Variants in RBPJ observed in about 807,000 individuals in gnomAD.
RBPJ encodes recombining binding protein suppressor of hairless.
RBPJ carries 9 observed loss-of-function variants against 67.8 expected under a neutral mutation model. The observed-to-expected ratio is 0.13, with a 90% CI of 0.08 to 0.23. RBPJ has a LOEUF of 0.23. RBPJ is among the 10% of genes least tolerant of loss of function. The probability of loss-of-function intolerance (pLI) is 1.00; values close to 1 mark genes in which losing one functional copy is unlikely to be tolerated. For missense variants in RBPJ, 305 were observed against 595.6 expected (o/e 0.51, Z 5.08); for synonymous variants, 198 against 203.3 (o/e 0.97, Z 0.22).
chr4:26,162,266 T>A (rs926093078), upstream of RBPJ, among the ~76,000 whole-genome samples: 3 of 152,228 alleles, frequency 2.0e-5, no homozygotes, highest in Admixed American at 1.3e-4. Flanking sequence ...CGTCTCACTT[T>A]GCCTGTGACA....
At chr4:26,244,289 A>G (rs866167586) in intron 1 of RBPJ, among the ~76,000 whole-genome samples, 61 of 100,782 alleles carry the variant, frequency 6.1e-4, no homozygotes, top group African/African-American at 1.3e-3. Context: ...GTGTATATGT[A>G]TACACATATG....
chr4:26,310,970 G>A (rs773202565), intron 1 of RBPJ, among the ~76,000 whole-genome samples: 6 of 152,110 alleles, frequency 3.9e-5, no homozygotes, highest in Admixed American at 6.6e-5. Context: ...GTGCCCAACC[G>A]ATGTTGATTT....
intron 1 of RBPJ, among the ~76,000 whole-genome samples, chr4:26,314,056 T>C (rs1427807444): frequency 6.6e-6 from 1 of 152,090 alleles, no homozygotes; most frequent in Non-Finnish European, 1.5e-5. Context: ...AGCTGTAGAG[T>C]CCTTTATAAG....
chr4:26,320,998 G>C, upstream of RBPJ: 1 of 1,613,816 alleles, frequency 6.2e-7, no homozygotes. Context: ...AATCTCGCGA[G>C]GGTTGGAGTT....
the RBPJ span, among the ~76,000 whole-genome samples, chr4:26,126,574 G>A: frequency 6.6e-6 from 1 of 152,224 alleles, no homozygotes; most frequent in East Asian, 1.9e-4. Context: ...TAGTCATTAT[G>A]ATACTGGTGG....
chr4:26,413,892 C>T (rs1026198714), intron 3 of RBPJ, among the ~76,000 whole-genome samples: 4 of 152,104 alleles, frequency 2.6e-5, no homozygotes, highest in African/African-American at 9.7e-5. Flanking sequence ...AACAGTATTT[C>T]ATATAAAATT....
At chr4:26,349,629 A>G (rs1726590921) in intron 1 of RBPJ, among the ~76,000 whole-genome samples, 1 of 152,226 alleles carries the variant, frequency 6.6e-6, no homozygotes, top group Non-Finnish European at 1.5e-5. Context: ...CTTCACAGGA[A>G]AAGTAATTGA....
chr4:26,320,865 C>T, upstream of RBPJ: 2 of 1,571,910 alleles, frequency 1.3e-6, no homozygotes, highest in Non-Finnish European at 1.7e-6. Flanking sequence ...CTGCGGGCGG[C>T]GCGAGGCGTC....
At chr4:26,256,113 A>G (rs1720335206) in intron 1 of RBPJ, among the ~76,000 whole-genome samples, 1 of 152,188 alleles carries the variant, frequency 6.6e-6, no homozygotes, top group Non-Finnish European at 1.5e-5. Context: ...ATGCATAAAC[A>G]TAGAACTCTC....
chr4:26,130,333 C>T, the RBPJ span, among the ~76,000 whole-genome samples: 3 of 152,192 alleles, frequency 2.0e-5, no homozygotes, highest in African/African-American at 7.2e-5. Context: ...GGAGTGGTTA[C>T]ATCTTCTCAC....
chr4:26,133,985 A>G, the RBPJ span, among the ~76,000 whole-genome samples: 1 of 152,056 alleles, frequency 6.6e-6, no homozygotes, highest in East Asian at 1.9e-4. Flanking sequence ...AGGGAGCTGC[A>G]TAGAAGCTTC....
At chr4:26,325,097 C>T (rs937423139) in intron 1 of RBPJ, among the ~76,000 whole-genome samples, 1 of 152,120 alleles carries the variant, frequency 6.6e-6, no homozygotes, top group African/African-American at 2.4e-5. Flanking sequence ...TAGATGATAC[C>T]ATATTCCGTT....
chr4:26,428,894 G>C, intron 8 of RBPJ, 34 bp downstream of exon 8: 1 of 1,544,874 alleles, frequency 6.5e-7, no homozygotes. Flanking sequence ...AATCTAAAAT[G>C]TACAAACTGT....
chr4:26,302,826 A>G (rs1722114955), intron 1 of RBPJ, among the ~76,000 whole-genome samples: 1 of 152,140 alleles, frequency 6.6e-6, no homozygotes, highest in Non-Finnish European at 1.5e-5. Context: ...TCCAGCTATT[A>G]TTTTTATCTT....
chr4:26,362,886 T>C (rs1259047047), intron 1 of RBPJ, among the ~76,000 whole-genome samples: 5 of 152,210 alleles, frequency 3.3e-5, no homozygotes, highest in Non-Finnish European at 5.9e-5. Flanking sequence ...TTTATAGTAA[T>C]GGGCTGTAAT....
intron 1 of RBPJ, among the ~76,000 whole-genome samples, chr4:26,305,766 C>CTTT (rs1722212611): frequency 1.7e-5 from 1 of 57,662 alleles, no homozygotes; most frequent in African/African-American, 7.4e-5. Context: ...TTAGAATTTT[C>CTTT]TTTTCTTTTT....
chr4:26,165,153 AT>A (rs1244837239), intron 1 of RBPJ, among the ~76,000 whole-genome samples: 2 of 152,172 alleles, frequency 1.3e-5, no homozygotes, highest in Non-Finnish European at 2.9e-5. Context: ...TTAATGACTA[AT>A]TAGATTACTT....
chr4:26,199,220 C>A (rs993183245), intron 1 of RBPJ, among the ~76,000 whole-genome samples: 2 of 151,986 alleles, frequency 1.3e-5, no homozygotes, highest in African/African-American at 4.8e-5. Flanking sequence ...CTGAGAGGAG[C>A]GGATCATGAG....
chr4:26,407,412 T>A (rs1733538596), intron 3 of RBPJ, among the ~76,000 whole-genome samples: 1 of 152,176 alleles, frequency 6.6e-6, no homozygotes, highest in Non-Finnish European at 1.5e-5. Context: ...ATAAAGTAGA[T>A]TAACCAAAAT....
Sources: gnomAD v4.1 joint callset for allele counts (sites outside exome capture counted in the v4.1 genomes callset) on GRCh38, gnomAD v4.1.1 for gene constraint, MANE v1.5 for transcripts, NCBI Gene and HGNC (gene_info 2026-07-23, HGNC 2026-07-21) for gene names.